The following GALNTL5 variants were observed in gnomAD, a reference collection of about 807,000 sequenced individuals.
GALNTL5 encodes inactive polypeptide N-acetylgalactosaminyltransferase-like protein 5.
In GALNTL5, 44 loss-of-function variants were observed where a neutral mutation model predicts 51.0. The observed-to-expected ratio is 0.86, with a 90% confidence interval of 0.68 to 1.11. The LOEUF (loss-of-function observed/expected upper bound fraction) is 1.11. Among genes scored for constraint, GALNTL5 ranks in the 50% least tolerant of loss-of-function variants. The probability of loss-of-function intolerance (pLI) is 0.00; values close to 1 mark genes in which losing one functional copy is unlikely to be tolerated. For synonymous variants in GALNTL5, 192 were observed against 182.8 expected (o/e 1.05, Z -0.41); for missense variants, 528 against 531.8 (o/e 0.99, Z 0.07).
At chr7:152,006,301 T>C (rs2081641261) in intron 6 of GALNTL5, among the ~76,000 whole-genome samples, 1 of 151,914 alleles carries the variant, frequency 6.6e-6, no homozygotes, top group South Asian at 2.1e-4. Context: ...TGGAAGGGAG[T>C]TTAAGGGAAT....
intron 3 of GALNTL5, among the ~76,000 whole-genome samples, chr7:151,973,476 A>G (rs1250263133): frequency 3.3e-5 from 5 of 152,090 alleles, no homozygotes; most frequent in Admixed American, 6.5e-5. Flanking sequence ...AAAAAAAAAA[A>G]AAGAAGATTT....
chr7:151,987,422 C>G, intron 5 of GALNTL5, 141 bp downstream of exon 5: 2 of 679,036 alleles, frequency 2.9e-6, no homozygotes, highest in Non-Finnish European at 4.6e-6. Context: ...CCATATGAGC[C>G]TTTAATCTTC....
In GALNTL5 at chr7:152,014,779, C is replaced by G; in HGVS notation, c.1162C>G (p.Leu388Val). The G allele has an allele frequency of 6.2e-7, 1 of 1,609,964 alleles. No individual in the cohort carries two copies. ...HNYLRLVHVW[L>V]DEYKEQFFLR... is the part of the protein sequence containing the mutation. ...CTACCTAAGACTGGTGCACGTTTGGCTGGATGAATATAAGGTGGGGAACAC... is the reference window on the plus strand; with the variant it reads ...CTACCTAAGACTGGTGCACGTTTGGGTGGATGAATATAAGGTGGGGAACAC... The change falls in exon 8 of 9, where the codon CTG (leucine) becomes GTG (valine). Residue 388 changes from leucine to valine, a missense_variant. Coordinates refer to ENST00000392800, the MANE Select transcript of GALNTL5 (RefSeq NM_145292.4).
intron 5 of GALNTL5, among the ~76,000 whole-genome samples, chr7:151,987,790 A>C (rs1007653202): frequency 1.6e-4 from 25 of 152,196 alleles, no homozygotes; most frequent in Admixed American, 1.3e-4. Flanking sequence ...AGAAGGAAGG[A>C]AGTTTATCTT....
intron 2 of GALNTL5, among the ~76,000 whole-genome samples, chr7:151,969,304 G>C (rs1211584014): frequency 6.6e-6 from 1 of 152,072 alleles, no homozygotes. Flanking sequence ...TAAAGTTTTA[G>C]GTTTCACATT....
intron 6 of GALNTL5, among the ~76,000 whole-genome samples, 165 bp from the exon 7 acceptor site, chr7:152,007,662 C>A (rs1200458757): frequency 6.6e-6 from 1 of 152,060 alleles, no homozygotes; most frequent in Admixed American, 6.6e-5. Context: ...TCGTAATGCA[C>A]CCGCCTCGGC....
chr7:151,986,951 T>C (rs1046078857), intron 4 of GALNTL5, among the ~76,000 whole-genome samples: 5 of 152,068 alleles, frequency 3.3e-5, no homozygotes, highest in African/African-American at 9.7e-5. Context: ...GGTCTCGAAC[T>C]CCTGACCTCA....
intron 5 of GALNTL5, among the ~76,000 whole-genome samples, chr7:151,989,160 T>C (rs76609144): frequency 0.061 from 9,042 of 147,176 alleles, 562 homozygotes; most frequent in East Asian, 0.29. Flanking sequence ...TTTTTTCTCT[T>C]TTTTTTTTTT....
At chr7:151,958,191 G>T (rs2080948753) in intron 1 of GALNTL5, among the ~76,000 whole-genome samples, 2 of 152,168 alleles carry the variant, frequency 1.3e-5, no homozygotes, top group Admixed American at 1.3e-4. Context: ...GGCCTCACTT[G>T]GCTCTAGGCT....
chr7:152,015,128 C>T (rs780074207), intron 8 of GALNTL5, among the ~76,000 whole-genome samples: 3 of 152,098 alleles, frequency 2.0e-5, no homozygotes, highest in Non-Finnish European at 4.4e-5. Flanking sequence ...CCTCTAACCC[C>T]TCATCAATCC....
At chr7:151,992,123 C>T (rs573309332) in intron 5 of GALNTL5, among the ~76,000 whole-genome samples, 91 of 152,142 alleles carry the variant, frequency 6.0e-4, no homozygotes, top group African/African-American at 2.0e-3. Context: ...AAATAGAAAC[C>T]TCAGTAAACT....
intron 1 of GALNTL5, among the ~76,000 whole-genome samples, chr7:151,959,217 G>A (rs73161827): frequency 0.22 from 33,778 of 151,220 alleles, 4,279 homozygotes; most frequent in Admixed American, 0.32. Flanking sequence ...ATTACATTTG[G>A]TTGTCTCCCC....
At chr7:151,966,630 A>G (rs1266468560) in intron 1 of GALNTL5, among the ~76,000 whole-genome samples, 1 of 152,208 alleles carries the variant, frequency 6.6e-6, no homozygotes, top group Non-Finnish European at 1.5e-5. Flanking sequence ...CTGTCTCATG[A>G]TACATCTCTT....
intron 5 of GALNTL5, among the ~76,000 whole-genome samples, chr7:151,988,345 G>A (rs893183609): frequency 6.6e-6 from 1 of 152,166 alleles, no homozygotes; most frequent in Admixed American, 6.5e-5. Flanking sequence ...GCCTCCTGCC[G>A]CATGTAGGGG....
intron 6 of GALNTL5, among the ~76,000 whole-genome samples, chr7:152,006,856 C>T (rs1182787179): frequency 1.3e-5 from 2 of 152,090 alleles, no homozygotes; most frequent in African/African-American, 4.8e-5. Flanking sequence ...TCACTGCAGC[C>T]TCCCAGGTTC....
chr7:152,008,182 G>A (rs1459675729), intron 7 of GALNTL5, among the ~76,000 whole-genome samples: 3 of 151,826 alleles, frequency 2.0e-5, no homozygotes, highest in African/African-American at 7.2e-5. Context: ...GGGAGGCTGA[G>A]GCAAGTGGAT....
intron 2 of GALNTL5, among the ~76,000 whole-genome samples, chr7:151,970,004 G>T (rs1403738972): frequency 6.6e-6 from 1 of 151,944 alleles, no homozygotes; most frequent in African/African-American, 2.4e-5. Context: ...GAGAGACGGG[G>T]TTTCACCGTG....
At chr7:151,969,475 G>T (rs958593463) in intron 2 of GALNTL5, among the ~76,000 whole-genome samples, 7 of 152,116 alleles carry the variant, frequency 4.6e-5, no homozygotes, top group Admixed American at 2.6e-4. Context: ...TTTTAATGGC[G>T]GTGATGCAAG....
At position 151,967,391 on chromosome 7, in the gene GALNTL5, G is replaced by A. The variant is rs1485526986; in HGVS notation, c.145G>A (p.Gly49Arg). Residue 49 changes from glycine to arginine, a missense_variant, in exon 2 of 9, where the codon GGA (glycine) becomes AGA (arginine). Coordinates refer to ENST00000392800, the MANE Select transcript of GALNTL5 (RefSeq NM_145292.4). ...GGAGCCTCTGTCAGCTTGGTCCCCT[G>A]GAAAAAAAGTGCATCAGCAAATTAT... Reference protein sequence around the residue: ...SQEPLSAWSPGKKVHQQIIYG... With the variant: ...SQEPLSAWSPRKKVHQQIIYG... The A allele has an allele frequency of 1.9e-6, 3 of 1,613,884 alleles. No individual in the cohort carries two copies. Among genetic ancestry groups the A allele is most frequent in the East Asian group, 2.2e-5 (1 of 44,866 alleles).
Sources: gnomAD v4.1 joint callset for allele counts (sites outside exome capture counted in the v4.1 genomes callset) on GRCh38, gnomAD v4.1.1 for gene constraint, MANE v1.5 for transcripts, NCBI Gene and HGNC (gene_info 2026-07-23, HGNC 2026-07-21) for gene names.